The following ZIM2 variants were observed in gnomAD, a reference collection of about 807,000 sequenced individuals.
The protein encoded by ZIM2 is zinc finger imprinted 2, also known as zinc finger protein 656.
A neutral mutation model predicts 38.6 loss-of-function variants in ZIM2; 14 were observed. The ratio of observed to expected loss-of-function variants is 0.36; its 90% confidence interval spans 0.24 to 0.57. The LOEUF (loss-of-function observed/expected upper bound fraction) is 0.57. ZIM2 is among the 20% of genes least tolerant of loss of function. The pLI is 0.81. For synonymous variants in ZIM2, 247 were observed against 245.8 expected (o/e 1.00, Z -0.04); for missense variants, 680 against 695.1 (o/e 0.98, Z 0.24).
chr19:56,822,635 G>A (rs1220669150), intron 6 of ZIM2, 118 bp downstream of exon 6: 1 of 1,396,898 alleles, frequency 7.2e-7, no homozygotes, highest in African/African-American at 1.4e-5. Context: ...TTTTGGGGAA[G>A]CGGAATATAC....
chr19:56,827,249 G>A (rs1053032203), intron 2 of ZIM2, among the ~76,000 whole-genome samples: 1 of 152,062 alleles, frequency 6.6e-6, no homozygotes, highest in Admixed American at 6.5e-5. Flanking sequence ...GCCAACTTCT[G>A]TGCCAAAAAA....
chr19:56,815,702 C>G (rs746436677), intron 9 of ZIM2: 1 of 1,614,058 alleles, frequency 6.2e-7, no homozygotes, highest in African/African-American at 1.3e-5. Flanking sequence ...TTAAACTCAC[C>G]AGATCCCTCT....
rs2060810141 is a variant in ZIM2 at position 56,824,353 on chromosome 19, C to A, written c.-76G>T. 1.9e-6 allele frequency: 3 copies of A among 1,614,000 alleles called. No individual in the cohort carries two copies. Among genetic ancestry groups the A allele is most frequent in the Admixed American group, 1.7e-5 (1 of 59,992 alleles). ...TTTTTGCTCGCACCCAAGGCTTGAGCTTTTCAGGGATGATGGTCAGGTACT... is the reference window on the plus strand; with the variant it reads ...TTTTTGCTCGCACCCAAGGCTTGAGATTTTCAGGGATGATGGTCAGGTACT... On this transcript the variant is annotated 5_prime_UTR_variant, in exon 4 of 13. Coordinates refer to ENST00000629319, the MANE Select transcript of ZIM2 (RefSeq NM_001387356.1).
rs1482604491 is a variant in ZIM2, at chr19:56,812,608, A to G, written c.490+5138T>C. 3 of 985,702 alleles carry G rather than the reference A, an allele frequency of 3.0e-6. No individual in the cohort carries two copies. The East Asian group carries it at 3.4e-4, about 112-fold the overall frequency. 61.1% of individuals were successfully genotyped at this position (985,702 alleles called of 1,614,324 possible). On this transcript the variant is annotated intron_variant, in intron 9 of 12. Transcript: ENST00000629319. The stretch of plus-strand genomic sequence containing the variant: ...CATGTTGCTACTTGTCACTTAAGGC[A>G]GGAAGCGCACAAAGGAAGTGATGAA...
intron 2 of ZIM2, among the ~76,000 whole-genome samples, chr19:56,828,439 T>C (rs1258424579): frequency 2.0e-5 from 3 of 152,152 alleles, no homozygotes; most frequent in Non-Finnish European, 4.4e-5. Flanking sequence ...CATCTGCCCA[T>C]GTGCACAAAG....
In ZIM2 at chr19:56,814,205, C is replaced by T. The variant is rs1389655072; in HGVS notation, c.490+3541G>A. ...TCTCCGTTTGGCTCAGCAGCCTCCA[C>T]TTCTGGCTCAGCAGCCTCCACTTCT... On this transcript the variant is annotated intron_variant, in intron 9 of 12. Coordinates refer to ENST00000629319, the MANE Select transcript of ZIM2 (RefSeq NM_001387356.1). The surrounding 1 kb of genome is among the most constrained non-coding windows in gnomAD (Gnocchi z 5.8). The T allele has an allele frequency of 6.2e-7, 1 of 1,611,528 alleles. No individual in the cohort carries two copies. The highest frequency in any genetic ancestry group is 8.5e-7 in the Non-Finnish European group (1 of 1,178,268).
At chr19:56,822,927 G>T in intron 5 of ZIM2, 91 bp from the exon 6 acceptor site, 1 of 1,497,652 alleles carries the variant, frequency 6.7e-7, no homozygotes, top group Non-Finnish European at 9.1e-7. Flanking sequence ...GGAAAGAGAT[G>T]CTACCCTCTT....
chr19:56,826,557 A>G (rs1397361887), intron 2 of ZIM2, 94 bp from the exon 3 acceptor site: 1 of 152,206 alleles, frequency 6.6e-6, no homozygotes, highest in African/African-American at 2.4e-5. Flanking sequence ...ACAACTGGGG[A>G]CTCAAATAGC....
chr19:56,815,860 G>A (rs1312880785), intron 9 of ZIM2: 3 of 1,613,424 alleles, frequency 1.9e-6, no homozygotes, highest in Non-Finnish European at 2.5e-6. Flanking sequence ...ATAAATGGAG[G>A]ATTCTCCCTT....
At chr19:56,790,048 G>A in intron 9 of ZIM2, 97 bp from the exon 10 acceptor site, 1 of 984,386 alleles carries the variant, frequency 1.0e-6, no homozygotes, top group South Asian at 3.5e-5. Flanking sequence ...GTCCTGCCAT[G>A]GGAAGGAACA....
At chr19:56,784,857 AACATT>A (rs780049948) in intron 10 of ZIM2, among the ~76,000 whole-genome samples, 4 of 152,212 alleles carry the variant, frequency 2.6e-5, no homozygotes, top group Admixed American at 6.5e-5. Flanking sequence ...CAGATACCAG[AACATT>A]ACATAAGACT....
intron 11 of ZIM2, among the ~76,000 whole-genome samples, chr19:56,780,370 G>A (rs1264587939): frequency 6.6e-6 from 1 of 151,494 alleles, no homozygotes; most frequent in Non-Finnish European, 1.5e-5. Context: ...AGCCTCCTGA[G>A]TAGCTGGGAA....
chr19:56,801,807 G>A (rs2047538086), intron 9 of ZIM2, among the ~76,000 whole-genome samples: 1 of 152,152 alleles, frequency 6.6e-6, no homozygotes, highest in Non-Finnish European at 1.5e-5. Flanking sequence ...AAGACTAGTA[G>A]ACCTGGCCAA....
rs1487895300 is a variant in ZIM2, at chr19:56,775,635, T to C, written c.836-106A>G. Reference sequence around the variant, plus strand: ...TTTGCCCTGGAGTTAGTGCTTTGGTTTCAGGTCTCTTTTCCTAATCTGAAA... The same window carrying C: ...TTTGCCCTGGAGTTAGTGCTTTGGTCTCAGGTCTCTTTTCCTAATCTGAAA... On this transcript the variant is annotated intron_variant, in intron 12 of 12. Transcript: ENST00000629319. The C allele has an allele frequency of 5.4e-6, 8 of 1,482,914 alleles. No homozygotes were observed. In the East Asian group the frequency reaches 1.8e-4, roughly 34 times the overall value. 91.9% of individuals were successfully genotyped at this position (1,482,914 alleles called of 1,614,324 possible).
At chr19:56,824,755 G>T (rs2060857155) in intron 3 of ZIM2, 1 of 1,151,036 alleles carries the variant, frequency 8.7e-7, no homozygotes, top group African/African-American at 1.5e-5. Flanking sequence ...TGGATCGTAA[G>T]GAGATATACA....
chr19:56,837,827 C>T (rs1055279652), intron 1 of ZIM2, among the ~76,000 whole-genome samples: 1 of 152,228 alleles, frequency 6.6e-6, no homozygotes, highest in African/African-American at 2.4e-5. Flanking sequence ...CCTCTGCTGC[C>T]CCCGCCACCG....
At chr19:56,824,946 C>A in intron 3 of ZIM2, 1 of 322,522 alleles carries the variant, frequency 3.1e-6, no homozygotes, top group East Asian at 5.0e-5. Context: ...GGAGTTAGCT[C>A]GGCTACTAAC....
chr19:56,774,831 G>A lies in ZIM2; in HGVS notation c.1534C>T (p.Leu512Phe). 1.2e-6 allele frequency: 2 copies of A among 1,614,166 alleles called. No homozygotes were observed. The highest frequency in any genetic ancestry group is 1.7e-6 in the Non-Finnish European group (2 of 1,180,038). Residue 512 changes from leucine (L) to phenylalanine (F), a missense_variant, in exon 13 of 13, where the codon CTC becomes TTC. Coordinates refer to ENST00000629319, the MANE Select transcript of ZIM2 (RefSeq NM_001387356.1). ...GTGTGAGTTCTATAATGCTGAATGAGATATGAATTCCGACTGAAGACTCTG... is the reference window on the plus strand; with the variant it reads ...GTGTGAGTTCTATAATGCTGAATGAAATATGAATTCCGACTGAAGACTCTG... ...CGRVFSRNSY[L>F]IQHYRTHTQE...
At chr19:56,822,964 A>C in intron 5 of ZIM2, 128 bp from the exon 6 acceptor site, 1 of 1,269,008 alleles carries the variant, frequency 7.9e-7, no homozygotes, top group South Asian at 1.4e-5. Context: ...TCCAAAACAG[A>C]GAGCTCCAGG....
Sources: gnomAD v4.1 joint callset for allele counts (sites outside exome capture counted in the v4.1 genomes callset) on GRCh38, gnomAD v4.1.1 for gene constraint, Gnocchi (gnomAD v3.1) non-coding constraint, MANE v1.5 for transcripts, NCBI Gene and HGNC (gene_info 2026-07-23, HGNC 2026-07-21) for gene names.